CCSER1: variants seen among roughly 807,000 people sequenced by gnomAD.
The protein encoded by CCSER1 is coiled-coil serine rich protein 1.
CCSER1 carries 41 observed loss-of-function variants against 82.0 expected under a neutral mutation model. That is an observed-to-expected ratio of 0.50 (90% CI 0.39 to 0.65). CCSER1 has a LOEUF of 0.65. CCSER1 is among the 30% of genes least tolerant of loss of function. The pLI, the probability that CCSER1 is intolerant of heterozygous loss-of-function variation, is 0.00. For synonymous variants in CCSER1, 414 were observed against 383.9 expected, an observed-to-expected ratio of 1.08 and a Z score of -0.92; for missense variants, 1,119 against 1,064.2, an observed-to-expected ratio of 1.05 and a Z score of -0.72.
At chr4:91,390,884 A>G (rs1297002065) in intron 10 of CCSER1, among the ~76,000 whole-genome samples, 1 of 152,008 alleles carries the variant, frequency 6.6e-6, no homozygotes, top group East Asian at 1.9e-4. Flanking sequence ...GTTCATATTT[A>G]TTATCCCTTC....
At chr4:90,998,672 A>C (rs1257145787) in intron 9 of CCSER1, among the ~76,000 whole-genome samples, 2 of 152,154 alleles carry the variant, frequency 1.3e-5, no homozygotes, top group Non-Finnish European at 2.9e-5. Context: ...TTAAAAGCTT[A>C]AGTCAACTTG....
At chr4:90,736,381 G>A (rs1191005586) in intron 7 of CCSER1, among the ~76,000 whole-genome samples, 1 of 151,864 alleles carries the variant, frequency 6.6e-6, no homozygotes, top group Non-Finnish European at 1.5e-5. Context: ...ATAAATCTGG[G>A]TGCTCTTGTG....
chr4:90,996,367 G>A (rs1295633848), intron 9 of CCSER1, among the ~76,000 whole-genome samples: 1 of 151,994 alleles, frequency 6.6e-6, no homozygotes, highest in Non-Finnish European at 1.5e-5. Flanking sequence ...TTTATAAATT[G>A]ACTTCCTAAG....
intron 1 of CCSER1, among the ~76,000 whole-genome samples, chr4:90,162,623 CT>C (rs1398459790): frequency 6.6e-6 from 1 of 151,900 alleles, no homozygotes; most frequent in Non-Finnish European, 1.5e-5. Context: ...CATCAAAACC[CT>C]AACAGTGGTG....
intron 9 of CCSER1, among the ~76,000 whole-genome samples, chr4:90,955,596 C>CATTCCTGTGATTAA (rs1486736655): frequency 6.6e-6 from 1 of 152,136 alleles, no homozygotes; most frequent in Non-Finnish European, 1.5e-5. Context: ...CAGGACATTC[C>CATTCCTGTGATTAA]ATTCCAAGCA....
At chr4:91,145,194 T>C (rs1031970832) in intron 10 of CCSER1, among the ~76,000 whole-genome samples, 1 of 152,132 alleles carries the variant, frequency 6.6e-6, no homozygotes, top group African/African-American at 2.4e-5. Context: ...CAATTGAAAC[T>C]AATATCGTTA....
chr4:90,436,538 A>G (rs1028610944), intron 4 of CCSER1, among the ~76,000 whole-genome samples: 4 of 152,222 alleles, frequency 2.6e-5, no homozygotes, highest in Non-Finnish European at 5.9e-5. Context: ...ATTAAAAATC[A>G]TCTAAATTTT....
chr4:91,018,632 T>C (rs1005465686), intron 9 of CCSER1, among the ~76,000 whole-genome samples: 1 of 152,084 alleles, frequency 6.6e-6, no homozygotes, highest in Non-Finnish European at 1.5e-5. Flanking sequence ...CCTTTGGTTT[T>C]ATTTCTTGTG....
intron 5 of CCSER1, among the ~76,000 whole-genome samples, chr4:90,591,562 A>G (rs917563086): frequency 1.3e-5 from 2 of 152,204 alleles, no homozygotes; most frequent in Middle Eastern, 3.2e-3. Flanking sequence ...GTGGAGAAAT[A>G]GAAGCACTTT....
chr4:90,964,465 A>G (rs1445962134), intron 9 of CCSER1, among the ~76,000 whole-genome samples: 2 of 151,984 alleles, frequency 1.3e-5, no homozygotes, highest in Non-Finnish European at 1.5e-5. Context: ...GGTGGCTCAC[A>G]CTTGTAATCC....
intron 1 of CCSER1, among the ~76,000 whole-genome samples, chr4:90,232,337 A>T (rs1402942159): frequency 6.6e-6 from 1 of 151,666 alleles, no homozygotes; most frequent in Non-Finnish European, 1.5e-5. Flanking sequence ...CAACTATCTG[A>T]TCTTTGACAA....
chr4:90,950,540 A>G (rs1338156282), intron 9 of CCSER1, among the ~76,000 whole-genome samples: 1 of 122,662 alleles, frequency 8.2e-6, no homozygotes. Flanking sequence ...ACACACACAT[A>G]CACACACGTT....
intron 3 of CCSER1, among the ~76,000 whole-genome samples, chr4:90,356,074 A>G (rs944436158): frequency 2.2e-4 from 34 of 151,944 alleles, no homozygotes; most frequent in African/African-American, 7.2e-4. Context: ...TTATAAAAGT[A>G]TGTAATTAAC....
chr4:90,388,781 G>T (rs956555651), intron 3 of CCSER1, among the ~76,000 whole-genome samples: 1 of 151,880 alleles, frequency 6.6e-6, no homozygotes, highest in East Asian at 1.9e-4. Context: ...GATTACAGGT[G>T]CCTGCCACCA....
intron 9 of CCSER1, among the ~76,000 whole-genome samples, chr4:90,996,080 A>G (rs913076703): frequency 6.6e-6 from 1 of 152,112 alleles, no homozygotes; most frequent in African/African-American, 2.4e-5. Context: ...TATAAATAAT[A>G]AAAGGAATGA....
chr4:91,243,555 C>G (rs964469609), intron 10 of CCSER1, among the ~76,000 whole-genome samples: 1 of 152,150 alleles, frequency 6.6e-6, no homozygotes, highest in Non-Finnish European at 1.5e-5. Flanking sequence ...AGGACTTTGT[C>G]TTATGTGTTA....
At chr4:91,294,308 C>G (rs1743992161) in intron 10 of CCSER1, among the ~76,000 whole-genome samples, 1 of 151,894 alleles carries the variant, frequency 6.6e-6, no homozygotes, top group African/African-American at 2.4e-5. Context: ...ACCTTACTAA[C>G]AGAAGCATGT....
At chr4:90,844,988 CATT>C (rs1051973183) in intron 8 of CCSER1, among the ~76,000 whole-genome samples, 1 of 152,162 alleles carries the variant, frequency 6.6e-6, no homozygotes, top group Non-Finnish European at 1.5e-5. Flanking sequence ...TTCAATAAAA[CATT>C]ATTTATGAAA....
intron 10 of CCSER1, among the ~76,000 whole-genome samples, chr4:91,339,460 G>T (rs1747551213): frequency 6.6e-6 from 1 of 152,002 alleles, no homozygotes. Context: ...GGGGGGGTAG[G>T]GCTGACTTAA....
Sources: allele counts gnomAD v4.1 joint callset (sites outside exome capture counted in the v4.1 genomes callset), GRCh38; gene constraint gnomAD v4.1.1; transcripts MANE v1.5; gene names NCBI Gene and HGNC (gene_info 2026-07-23, HGNC 2026-07-21).